FLG: variants seen among roughly 807,000 people sequenced by gnomAD.
FLG encodes the protein filaggrin.
FLG carries 6 observed loss-of-function variants against 3.8 expected under a neutral mutation model. The ratio of observed to expected loss-of-function variants is 1.60; its 90% confidence interval spans 0.87 to 3.15. The LOEUF (loss-of-function observed/expected upper bound fraction) is 3.15. Ranked by LOEUF, FLG falls within the 30% of genes most tolerant of loss-of-function variation. FLG has a pLI of 0.00. For synonymous variants in FLG, 2,551 were observed against 1,931.6 expected (o/e 1.32, Z -8.41); for missense variants, 7,595 against 5,050.9 (o/e 1.50, Z -15.27).
At position 152,306,207 on chromosome 1, in the gene FLG, C is replaced by G. The variant is rs1487202418; in HGVS notation, c.8679G>C (p.Gln2893His). 1 of 1,603,876 alleles carries G rather than the reference C, an allele frequency of 6.2e-7. No individual in the cohort carries two copies. Among genetic ancestry groups the G allele is most frequent in the Non-Finnish European group, 8.5e-7 (1 of 1,180,018 alleles). ...RSRRQGSSVS[Q>H]DSDSEGHSED... The stretch of plus-strand genomic sequence containing the variant: ...CTGAATGTCCCTCACTGTCACTGTC[C>G]TGGCTCACACTGGATCCCTGGCGCC... The change falls in exon 3 of 3, where the codon CAG becomes CAC. Residue 2893 changes from glutamine to histidine, a missense_variant. Transcript: ENST00000368799.
In FLG at chr1:152,309,001, TCGTGATGGGACC is replaced by T; in HGVS notation, c.5873_5884del (p.Gly1958_His1961del). 1.2e-6 allele frequency: 2 copies of T among 1,614,154 alleles called. No individual in the cohort carries two copies. Among genetic ancestry groups the T allele is most frequent in the Non-Finnish European group, 1.7e-6 (2 of 1,180,010 alleles). On this transcript the variant is annotated inframe_deletion, in exon 3 of 3. Coordinates refer to ENST00000368799, the MANE Select transcript of FLG (RefSeq NM_002016.2). ...AGAGTGCCCGTGACCGGCTCTGTCTTCGTGATGGGACCCAGGGTGTCTGGAGCCATCTCTTGA... is the reference window on the plus strand; with the variant it reads ...AGAGTGCCCGTGACCGGCTCTGTCTTCAGGGTGTCTGGAGCCATCTCTTGA...
In FLG at chr1:152,312,664, C is replaced by T; in HGVS notation, c.2222G>A (p.Gly741Glu). The T allele has an allele frequency of 6.2e-7, 1 of 1,613,914 alleles. No homozygotes were observed. Residue 741 changes from glycine to glutamate, a missense_variant, in exon 3 of 3, where the codon GGG becomes GAG. Transcript: ENST00000368799. The part of the protein sequence containing the change: ...SSAVRDSGHR[G>E]SSGSQATDSE... ...GTCAGTGGCCTGACTACCACTGGAC[C>T]CTCGGTGTCCACTGTCTCTGACTGC... is the stretch of plus-strand genomic sequence containing the variant.
rs1404928962 is a variant in FLG, at chr1:152,307,928, C to G, written c.6958G>C (p.Glu2320Gln). 5 of 1,613,620 alleles carry G rather than the reference C, an allele frequency of 3.1e-6. 1 individual carries two copies. ...SSGGQAASSHEQARSSAGERH... is the reference protein window; with the variant it reads ...SSGGQAASSHQQARSSAGERH... ...TCTCCTGCACTTGATCTTGCCTGTT[C>G]ATGGGATGATGCAGCCTGTCCACCA... Residue 2320 changes from glutamate (E) to glutamine (Q), a missense_variant, in exon 3 of 3, where the codon GAA becomes CAA. Physicochemically the swap from Glu to Gln is conservative, Grantham distance 29 (BLOSUM62 2). Coordinates refer to ENST00000368799, the MANE Select transcript of FLG (RefSeq NM_002016.2).
At position 152,307,793 on chromosome 1, in the gene FLG, C is replaced by T. The variant is rs1230316032; in HGVS notation, c.7093G>A (p.Gly2365Ser). 2 of 1,613,270 alleles carry T rather than the reference C, an allele frequency of 1.2e-6. No individual in the cohort carries two copies. Among genetic ancestry groups the T allele is most frequent in the Non-Finnish European group, 1.7e-6 (2 of 1,179,878 alleles). ...VRDSGHRGSS[G>S]SQASDSEGHS... ...CCCTCACTGTCACTGGCCTGACTAC[C>T]ACTGGACCCTCGGTGTCCACTGTCT... Residue 2365 changes from glycine (G) to serine (S), a missense_variant, in exon 3 of 3, where the codon GGT (glycine) becomes AGT (serine). Gly to Ser is a moderately conservative substitution (Grantham distance 56, BLOSUM62 0). Coordinates refer to ENST00000368799, the MANE Select transcript of FLG (RefSeq NM_002016.2).
Position 152,311,545 on chromosome 1 carries a change from G to T in FLG, c.3341C>A (p.Ser1114Ter). ...GCTCACCTGGTAGATGAAAGACCCT[G>T]AACGTCCAGACCTTCCCCCTGACCA... is the stretch of plus-strand genomic sequence containing the variant. ...RDWSGGRSGR[S>*]GSFIYQVSTH... Residue 1114 changes from serine to a stop codon, truncating the protein, a stop_gained, in exon 3 of 3, where the codon TCA (serine) becomes TAA (stop). Coordinates refer to ENST00000368799, the MANE Select transcript of FLG (RefSeq NM_002016.2). LOFTEE classifies it low-confidence loss of function (END_TRUNC). 1 of 1,613,956 alleles carries T rather than the reference G, an allele frequency of 6.2e-7. No individual in the cohort carries two copies. Among genetic ancestry groups the T allele is most frequent in the Non-Finnish European group, 8.5e-7 (1 of 1,179,988 alleles).
chr1:152,313,640 C>T lies in FLG; in HGVS notation c.1246G>A (p.Gly416Arg). The T allele has an allele frequency of 6.2e-7, 1 of 1,614,106 alleles. No individual in the cohort carries two copies. Among genetic ancestry groups the T allele is most frequent in the Non-Finnish European group, 8.5e-7 (1 of 1,180,022 alleles). ...TCACTGGCCTGACTACCGCTAGACC[C>T]CCGGTGTCCACGATCGCTGACTGCA... Reference protein sequence around the residue: ...SSAVSDRGHRGSSGSQASDSE... With the variant: ...SSAVSDRGHRRSSGSQASDSE... The change falls in exon 3 of 3, where the codon GGG becomes AGG. Residue 416 changes from glycine (G) to arginine (R), a missense_variant. Gly to Arg is a moderately radical substitution (Grantham distance 125). Transcript: ENST00000368799.
At position 152,305,514 on chromosome 1, in the gene FLG, G is replaced by C. The variant is rs947651199; in HGVS notation, c.9372C>G (p.Tyr3124Ter). ...PGSSRGGRQG[Y>*]HHEHSVDSSG... Reference sequence around the variant, plus strand: ...AGCTATCTACCGAATGCTCGTGGTGGTACCCCTGCCTTCCTCCTCTGCTTG... The same window carrying C: ...AGCTATCTACCGAATGCTCGTGGTGCTACCCCTGCCTTCCTCCTCTGCTTG... The change falls in exon 3 of 3, where the codon TAC (tyrosine) becomes TAG (stop). Residue 3124 changes from tyrosine to a stop codon, truncating the protein, a stop_gained. Coordinates refer to ENST00000368799, the MANE Select transcript of FLG (RefSeq NM_002016.2). LOFTEE classifies it low-confidence loss of function (END_TRUNC). 1.3e-6 allele frequency: 2 copies of C among 1,558,776 alleles called. No individual in the cohort carries two copies. Among genetic ancestry groups the C allele is most frequent in the Admixed American group, 1.8e-5 (1 of 54,480 alleles).
Position 152,311,101 on chromosome 1 carries a change from G to T in FLG, c.3785C>A (p.Thr1262Lys), listed in dbSNP as rs190350842. Residue 1262 changes from threonine (T) to lysine (K), a missense_variant, in exon 3 of 3, where the codon ACA becomes AAA. Transcript: ENST00000368799. ...AACACTGGATCCCTGGTGCCTGCTT[G>T]TCCTGGACCCCGATGATTGTTCCTG... is the stretch of plus-strand genomic sequence containing the variant. ...VGQEQSSGSRTSRHQGSSVSQ... is the reference protein window; with the variant it reads ...VGQEQSSGSRKSRHQGSSVSQ... 2.4e-4 allele frequency: 393 copies of T among 1,613,762 alleles called. No homozygotes were observed. Among genetic ancestry groups the T allele is most frequent in the Non-Finnish European group, 3.2e-4 (380 of 1,179,994 alleles).
rs780134687 is a variant in FLG at position 152,310,805 on chromosome 1, G to T, written c.4081C>A (p.His1361Asn). 6.8e-6 allele frequency: 11 copies of T among 1,611,850 alleles called. No individual in the cohort carries two copies. In the South Asian group the frequency reaches 8.8e-5, roughly 13 times the overall value. The change falls in exon 3 of 3, where the codon CAC (histidine) becomes AAC (asparagine). Residue 1361 changes from histidine (H) to asparagine (N), a missense_variant. By Grantham distance (68) the His-to-Asn change is moderately conservative. Transcript: ENST00000368799. ...CTGGAGCTGTCTGCTGACTGCTGGT[G>T]GCGGGATCCATGTCTTTCTCCTGGA... is the stretch of plus-strand genomic sequence containing the variant. ...SSPGERHGSR[H>N]QQSADSSRHS...
chr1:152,315,044 G>A (rs1011841248), intron 2 of FLG: 7 of 407,306 alleles, frequency 1.7e-5, no homozygotes, highest in Non-Finnish European at 3.0e-5. Flanking sequence ...CCTTAGTAAT[G>A]TTGATGTTTG....
Position 152,310,202 on chromosome 1 carries a change from G to A in FLG, c.4684C>T (p.His1562Tyr). 1 of 1,613,714 alleles carries A rather than the reference G, an allele frequency of 6.2e-7. No individual in the cohort carries two copies. The change falls in exon 3 of 3, where the codon CAT (histidine) becomes TAT (tyrosine). Residue 1562 changes from histidine to tyrosine, a missense_variant. Coordinates refer to ENST00000368799, the MANE Select transcript of FLG (RefSeq NM_002016.2). ...DGSRHSGSRH[H>Y]EPSTRAGSSR... ...CTGCCGGCCCGAGTGGAAGGTTCAT[G>A]GTGACGTGACCCTGAGTGCCTGGAG...
At chr1:152,315,202 A>AT (rs1414494417) in intron 2 of FLG, 117 bp downstream of exon 2, 1 of 1,021,994 alleles carries the variant, frequency 9.8e-7, no homozygotes, top group East Asian at 2.4e-5. Flanking sequence ...TTGAGACAAG[A>AT]TTAACTCTTT....
intron 1 of FLG, among the ~76,000 whole-genome samples, chr1:152,322,125 G>A (rs750606429): frequency 1.3e-5 from 2 of 150,988 alleles, no homozygotes; most frequent in Non-Finnish European, 3.0e-5. Flanking sequence ...TTTGAAAAAT[G>A]TCATAGCAAA....
Position 152,309,462 on chromosome 1 carries a change from C to T in FLG, c.5424G>A (p.Glu1808=). Residue 1808 remains glutamate, a synonymous_variant, in exon 3 of 3, where the codon GAG becomes GAA. Transcript: ENST00000368799. ...GGTGTCCACGAATGGTGTCCTGACCCTCTTGGGACGCTGAGTGCCTGGAGC... is the reference window on the plus strand; with the variant it reads ...GGTGTCCACGAATGGTGTCCTGACCTTCTTGGGACGCTGAGTGCCTGGAGC... The part of the protein sequence containing the change: ...RDSSRHSASQ[E]GQDTIRGHPG... 1 of 1,612,856 alleles carries T rather than the reference C, an allele frequency of 6.2e-7. No homozygotes were observed. Among genetic ancestry groups the T allele is most frequent in the South Asian group, 1.1e-5 (1 of 91,028 alleles).
At chr1:152,324,433 A>G (rs1293889630) in intron 1 of FLG, among the ~76,000 whole-genome samples, 1 of 151,864 alleles carries the variant, frequency 6.6e-6, no homozygotes, top group Non-Finnish European at 1.5e-5. Context: ...TCTTTGGGAC[A>G]AGTTTACTCT....
rs749939579 is a variant in FLG at position 152,314,013 on chromosome 1, C to T, written c.873G>A (p.Lys291=). The part of the protein sequence containing the change: ...QVPLQESRTR[K]RRGSRVSQDR... ...CCTGGCTAACTCTGGATCCCCTACG[C>T]TTTCTTGTCCTGGACTCCTGCAATG... is the stretch of plus-strand genomic sequence containing the variant. Residue 291 remains lysine (K), a synonymous_variant, in exon 3 of 3, where the codon AAG becomes AAA. Coordinates refer to ENST00000368799, the MANE Select transcript of FLG (RefSeq NM_002016.2). 2.5e-6 allele frequency: 4 copies of T among 1,614,092 alleles called. No individual in the cohort carries two copies. Among genetic ancestry groups the T allele is most frequent in the Non-Finnish European group, 3.4e-6 (4 of 1,180,048 alleles).
In FLG at chr1:152,302,458, A is replaced by G. The variant is rs1173417537; in HGVS notation, c.*242T>C. The G allele has an allele frequency of 1.7e-5, 9 of 531,556 alleles. No individual in the cohort carries two copies. The East Asian group carries it at 2.7e-4, about 16-fold the overall frequency. The allele number at this position is 531,556 out of a possible 1,614,324, so 32.9% of individuals were successfully genotyped here. A position where few individuals can be genotyped will look rare whatever the true frequency, so the allele number is the denominator to read the frequency against. ...CAGAATCTCCTAAAATACTCCAGCTAGTTTTCTAAAGTTAGCTCTCCATGA... is the reference window on the plus strand; with the variant it reads ...CAGAATCTCCTAAAATACTCCAGCTGGTTTTCTAAAGTTAGCTCTCCATGA... On this transcript the variant is annotated 3_prime_UTR_variant, in exon 3 of 3. Coordinates refer to ENST00000368799, the MANE Select transcript of FLG (RefSeq NM_002016.2).
Position 152,313,431 on chromosome 1 carries a change from G to C in FLG, c.1455C>G (p.Thr485=). 1 of 1,613,654 alleles carries C rather than the reference G, an allele frequency of 6.2e-7. No homozygotes were observed. Among genetic ancestry groups the C allele is most frequent in the Non-Finnish European group, 8.5e-7 (1 of 1,179,942 alleles). ...HEQPDSAHGR[T]GTSTGGRQGS... is the part of the protein sequence containing the mutation. ...CTTGTCTTCCTCCAGTGCTGGTCCCGGTCCGTCCATGGGCAGAGTCAGGCT... is the reference window on the plus strand; with the variant it reads ...CTTGTCTTCCTCCAGTGCTGGTCCCCGTCCGTCCATGGGCAGAGTCAGGCT... Residue 485 remains threonine, a synonymous_variant, in exon 3 of 3, where the codon ACC becomes ACG. Coordinates refer to ENST00000368799, the MANE Select transcript of FLG (RefSeq NM_002016.2).
At position 152,310,022 on chromosome 1, in the gene FLG, C is replaced by G. The variant is rs761818182; in HGVS notation, c.4864G>C (p.Ala1622Pro). The change falls in exon 3 of 3, where the codon GCT becomes CCT. Residue 1622 changes from alanine to proline, a missense_variant. Transcript: ENST00000368799. ...ESASRNHYGSAREQSRHGSRN... is the reference protein window; with the variant it reads ...ESASRNHYGSPREQSRHGSRN... ...GAGCCATGTCTTGACTGCTCCCGAG[C>G]AGATCCATAATGGTTTCTGGAAGCC... The G allele has an allele frequency of 2.0e-5, 33 of 1,613,872 alleles. No homozygotes were observed. In the South Asian group the frequency reaches 2.4e-4, roughly 12 times the overall value.
Sources: gnomAD v4.1 joint callset for allele counts (sites outside exome capture counted in the v4.1 genomes callset) on GRCh38, gnomAD v4.1.1 for gene constraint, MANE v1.5 for transcripts, NCBI Gene and HGNC (gene_info 2026-07-23, HGNC 2026-07-21) for gene names.